Variants in SLC8A2 observed in about 807,000 individuals in gnomAD.
SLC8A2 encodes sodium/calcium exchanger 2.
SLC8A2 carries 14 observed loss-of-function variants against 70.2 expected under a neutral mutation model. That is an observed-to-expected ratio of 0.20 (90% CI 0.13 to 0.31). The LOEUF is 0.31. Ranked by LOEUF, SLC8A2 falls within the 10% of genes least tolerant of loss-of-function variation. The pLI is 1.00. For synonymous variants in SLC8A2, 575 were observed against 594.3 expected (o/e 0.97, Z 0.47); for missense variants, 779 against 1,320.1 (o/e 0.59, Z 6.35).
chr19:47,454,592 C>T (rs1054005729), intron 3 of SLC8A2, among the ~76,000 whole-genome samples: 1 of 151,964 alleles, frequency 6.6e-6, no homozygotes. Flanking sequence ...GTGGAGGCTG[C>T]AGTAAGCCAG....
chr19:47,457,174 T>C lies in SLC8A2; in HGVS notation c.1096A>G (p.Asn366Asp). 1 of 1,544,382 alleles carries C rather than the reference T, an allele frequency of 6.5e-7. No homozygotes were observed. The highest frequency in any genetic ancestry group is 8.7e-7 in the Non-Finnish European group (1 of 1,145,014). ...QATRLMTGAG[N>D]VLRRHAADAS... ...TCCGCCGCGTGTCTGCGCAGCACGT[T>C]CCCGGCGCCGGTCATCAGCCGCGTG... The change falls in exon 3 of 10, where the codon AAC (asparagine) becomes GAC (aspartate). Residue 366 changes from asparagine to aspartate, a missense_variant. This residue lies in a region of SLC8A2 where 186 missense variants were observed against 246.6 expected (regional missense o/e 0.75). Transcript: ENST00000236877.
At position 47,466,184 on chromosome 19, in the gene SLC8A2, C is replaced by A; in HGVS notation, c.220G>T (p.Val74Leu). ...ATGTAGACCATGGCCACAAAGTACA[C>A]CACTGCCCGTGCCGCCTTGTCACCC... is the stretch of plus-strand genomic sequence containing the variant. ...SLGDKAARAV[V>L]YFVAMVYMFL... The change falls in exon 2 of 10, where the codon GTG becomes TTG. Residue 74 changes from valine to leucine, a missense_variant. Around this residue, in one of 6 missense-constraint regions of SLC8A2, gnomAD observed 155 missense variants for 318.6 expected, o/e 0.49. Transcript: ENST00000236877. This position sits in a 1 kb window ranked among gnomAD's most constrained non-coding sequence, Gnocchi z 6.9. 1 of 1,613,924 alleles carries A rather than the reference C, an allele frequency of 6.2e-7. No individual in the cohort carries two copies. The highest frequency in any genetic ancestry group is 8.5e-7 in the Non-Finnish European group (1 of 1,179,806).
chr19:47,450,190 C>G lies in SLC8A2; in HGVS notation c.1341-1959G>C, dbSNP rs190993068. Among the ~76,000 whole-genome samples, 5 of 152,242 alleles carry G rather than the reference C, an allele frequency of 3.3e-5. No individual in the cohort carries two copies. In the East Asian group the frequency reaches 9.7e-4, roughly 29 times the overall value. On this transcript the variant is annotated intron_variant, in intron 3 of 9. Transcript: ENST00000236877. ...GGCTCAGCACCATCTCTGAACCCTG[C>G]TATGTGATCCATATGCATTCACTAT...
At chr19:47,434,710 T>A (rs144380056) in intron 8 of SLC8A2, among the ~76,000 whole-genome samples, 248 of 152,252 alleles carry the variant, frequency 1.6e-3, no homozygotes, top group African/African-American at 5.6e-3. Context: ...TGCGACAAGA[T>A]GGGACCCGAC....
intron 8 of SLC8A2, among the ~76,000 whole-genome samples, chr19:47,433,269 C>T (rs1216976308): frequency 6.6e-6 from 1 of 152,084 alleles, no homozygotes; most frequent in African/African-American, 2.4e-5. Context: ...ACAGTCTCCA[C>T]TAAATGTACT....
At position 47,430,266 on chromosome 19, in the gene SLC8A2, G is replaced by T. The variant is rs776796326; in HGVS notation, c.2589C>A (p.Thr863=). The T allele has an allele frequency of 6.2e-7, 1 of 1,612,506 alleles. No homozygotes were observed. The change falls in exon 10 of 10, where the codon ACC becomes ACA. Residue 863 remains threonine, a synonymous_variant. Coordinates refer to ENST00000236877, the MANE Select transcript of SLC8A2 (RefSeq NM_015063.3). The surrounding 1 kb of genome is among the most constrained non-coding windows in gnomAD (Gnocchi z 5.9). The part of the protein sequence containing the change: ...GTLAFSVTLF[T]VFAFVGIAVL... ...CGGCAATGCCCACGAAGGCGAAGAC[G>T]GTGAAGAGCGTGACGGAGAAGGCCA...
Position 47,435,270 on chromosome 19 carries a change from GTTA to G in SLC8A2, c.2110+2189_2110+2191del, listed in dbSNP as rs146210032. Among the ~76,000 whole-genome samples the G allele has an allele frequency of 2.9e-3, 440 of 152,096 alleles. 2 individuals carry two copies. The highest frequency in any genetic ancestry group is 1.0e-2 in the African/African-American group (413 of 41,486). ...TGTCATAATCAGGATTATTATTACA[GTTA>G]TTATTATTGTTATGTTGTTATTCTT... On this transcript the variant is annotated intron_variant, in intron 8 of 9. Coordinates refer to ENST00000236877, the MANE Select transcript of SLC8A2 (RefSeq NM_015063.3).
chr19:47,466,344 C>T lies in SLC8A2; in HGVS notation c.60G>A (p.Gly20=), dbSNP rs941337560. 6.2e-6 allele frequency: 9 copies of T among 1,458,716 alleles called. No homozygotes were observed. Among genetic ancestry groups the T allele is most frequent in the Non-Finnish European group, 8.1e-6 (9 of 1,105,234 alleles). 90.4% of individuals were successfully genotyped at this position (1,458,716 alleles called of 1,614,324 possible). Residue 20 remains glycine (G), a synonymous_variant, in exon 2 of 10, where the codon GGG becomes GGA. Transcript: ENST00000236877. The surrounding 1 kb of genome is among the most constrained non-coding windows in gnomAD (Gnocchi z 6.9). Reference sequence around the variant, plus strand: ...GCAGGGAGGGGGTTGGGGTGGCTGCCCCGGAGCATGGGGGAGCCGCCAGGA... The same window carrying T: ...GCAGGGAGGGGGTTGGGGTGGCTGCTCCGGAGCATGGGGGAGCCGCCAGGA... ...TLLLAAPPCS[G]AATPTPSLPP... is the part of the protein sequence containing the mutation.
intron 2 of SLC8A2, among the ~76,000 whole-genome samples, chr19:47,458,511 C>T (rs527266488): frequency 5.6e-5 from 8 of 143,104 alleles, no homozygotes; most frequent in African/African-American, 2.1e-4. Flanking sequence ...CCACTTCTCT[C>T]CTCCTCATTT....
intron 6 of SLC8A2, among the ~76,000 whole-genome samples, chr19:47,438,196 T>G (rs1300911983): frequency 6.6e-6 from 1 of 152,090 alleles, no homozygotes; most frequent in Non-Finnish European, 1.5e-5. Context: ...GCTCTGGGGT[T>G]CGTATGGTGG....
rs940666866 is a variant in SLC8A2, at chr19:47,468,876, A to G, written c.-16-2457T>C. Among the ~76,000 whole-genome samples, 12 of 146,174 alleles carry G rather than the reference A, an allele frequency of 8.2e-5. No individual in the cohort carries two copies. The South Asian group carries it at 2.1e-3, about 25-fold the overall frequency. ...TAACCCAGTGGCTTATCAAAAAGAG[A>G]AGGAGAGAGGAAGAGAGGTGTCCTG... On this transcript the variant is annotated intron_variant, in intron 1 of 9. Coordinates refer to ENST00000236877, the MANE Select transcript of SLC8A2 (RefSeq NM_015063.3). The surrounding 1 kb of genome is among the most constrained non-coding windows in gnomAD (Gnocchi z 5.1).
chr19:47,467,408 G>A (rs1002381292), intron 1 of SLC8A2, among the ~76,000 whole-genome samples: 1 of 152,134 alleles, frequency 6.6e-6, no homozygotes, highest in Admixed American at 6.6e-5. Flanking sequence ...GTGTTGGGCC[G>A]TGTTTGTCTG....
chr19:47,452,445 A>AGTGTGTGT (rs1158828688), intron 3 of SLC8A2, among the ~76,000 whole-genome samples: 10 of 54,100 alleles, frequency 1.8e-4, no homozygotes, highest in African/African-American at 9.1e-4. Flanking sequence ...AGAGAGAGAG[A>AGTGTGTGT]GTGTGTGTGT....
chr19:47,462,760 G>A (rs952542396), intron 2 of SLC8A2, among the ~76,000 whole-genome samples: 1 of 151,150 alleles, frequency 6.6e-6, no homozygotes, highest in African/African-American at 2.4e-5. Context: ...GCTATTTTTT[G>A]TATTTTTAGT....
At chr19:47,460,501 C>T (rs143203445) in intron 2 of SLC8A2, among the ~76,000 whole-genome samples, 300 of 151,980 alleles carry the variant, frequency 2.0e-3, no homozygotes, top group African/African-American at 6.9e-3. Context: ...AGTTCGAGAC[C>T]AGCCTGGCCA....
In SLC8A2 at chr19:47,432,457, C is replaced by T. The variant is rs199936896; in HGVS notation, c.2111-12G>A. 30 of 1,577,448 alleles carry T rather than the reference C, an allele frequency of 1.9e-5. No homozygotes were observed. The East Asian group carries it at 2.7e-4, about 14-fold the overall frequency. ...CTCCTCCTCGTCCCCTGTGGGCACACGACCCAGCTGGGGCATACACTCAGA... is the reference window on the plus strand; with the variant it reads ...CTCCTCCTCGTCCCCTGTGGGCACATGACCCAGCTGGGGCATACACTCAGA... On this transcript the variant is annotated splice_polypyrimidine_tract_variant and intron_variant, in intron 8 of 9. Transcript: ENST00000236877. This position sits in a 1 kb window ranked among gnomAD's most constrained non-coding sequence, Gnocchi z 6.2.
Position 47,448,923 on chromosome 19 carries a change from C to G in SLC8A2, c.1341-692G>C, listed in dbSNP as rs974993912. On this transcript the variant is annotated intron_variant, in intron 3 of 9. Coordinates refer to ENST00000236877, the MANE Select transcript of SLC8A2 (RefSeq NM_015063.3). The surrounding 1 kb of genome is among the most constrained non-coding windows in gnomAD (Gnocchi z 4.8). ...GTTGTGTGCCTTGTGCCGAGTGGTG[C>G]TGGGGACACAGCAGTAACCAGGCCC... Among the ~76,000 whole-genome samples the G allele has an allele frequency of 6.6e-6, 1 of 152,182 alleles. No homozygotes were observed. Among genetic ancestry groups the G allele is most frequent in the Non-Finnish European group, 1.5e-5 (1 of 68,040 alleles).
At chr19:47,471,274 C>A (rs1354586607) in intron 1 of SLC8A2, among the ~76,000 whole-genome samples, 2 of 151,212 alleles carry the variant, frequency 1.3e-5, no homozygotes, top group East Asian at 3.9e-4. Flanking sequence ...ACAGAGATGG[C>A]GCAAGAGGAA....
At chr19:47,462,818 C>A (rs1243113987) in intron 2 of SLC8A2, among the ~76,000 whole-genome samples, 2 of 152,082 alleles carry the variant, frequency 1.3e-5, no homozygotes, top group African/African-American at 4.8e-5. Flanking sequence ...GAACTCATGA[C>A]CTCAGGTGAT....
Sources: allele counts gnomAD v4.1 joint callset (sites outside exome capture counted in the v4.1 genomes callset), GRCh38; gene constraint gnomAD v4.1.1; regional missense constraint gnomAD v4.1.1; non-coding constraint Gnocchi (gnomAD v3.1); transcripts MANE v1.5; gene names NCBI Gene and HGNC (gene_info 2026-07-23, HGNC 2026-07-21).